The following SYN3 variants were observed in gnomAD, a reference collection of about 807,000 sequenced individuals.
The protein encoded by SYN3 is synapsin III.
In SYN3, 35 loss-of-function variants were observed where a neutral mutation model predicts 65.8. The ratio of observed to expected loss-of-function variants is 0.53; its 90% confidence interval spans 0.41 to 0.70. The LOEUF (loss-of-function observed/expected upper bound fraction) is 0.70, where lower values mean the gene tolerates loss of function less well. Ranked by LOEUF, SYN3 falls within the 30% of genes least tolerant of loss-of-function variation. SYN3 has a pLI of 0.00. For missense variants in SYN3, 680 were observed against 749.0 expected, an observed-to-expected ratio of 0.91 and a Z score of 1.08; for synonymous variants, 270 against 292.9, an observed-to-expected ratio of 0.92 and a Z score of 0.80.
At chr22:32,649,921 T>C (rs1430796191) in intron 6 of SYN3, among the ~76,000 whole-genome samples, 2 of 152,100 alleles carry the variant, frequency 1.3e-5, no homozygotes, top group East Asian at 1.9e-4. Context: ...CTTGTGGGAA[T>C]GAGAAAATCA....
chr22:32,535,247 C>T (rs961727954), intron 9 of SYN3, among the ~76,000 whole-genome samples: 1 of 152,130 alleles, frequency 6.6e-6, no homozygotes, highest in East Asian at 1.9e-4. Context: ...CATGGGAGAC[C>T]AGGGACCTAC....
At chr22:32,971,652 T>C (rs1326829456) in intron 3 of SYN3, among the ~76,000 whole-genome samples, 1 of 152,196 alleles carries the variant, frequency 6.6e-6, no homozygotes, top group Non-Finnish European at 1.5e-5. Context: ...CGTACAGTCC[T>C]AGAAATCGAG....
intron 7 of SYN3, among the ~76,000 whole-genome samples, chr22:32,552,630 T>C (rs1355706218): frequency 2.0e-5 from 3 of 152,142 alleles, no homozygotes; most frequent in Non-Finnish European, 4.4e-5. Context: ...CCCTTTTTTG[T>C]GTGTCTGTTG....
chr22:32,567,322 C>T (rs2058684871), intron 7 of SYN3, among the ~76,000 whole-genome samples: 1 of 114,188 alleles, frequency 8.8e-6, no homozygotes, highest in Non-Finnish European at 1.8e-5. Flanking sequence ...GACGGAGATC[C>T]TCCCTCCCTC....
At chr22:32,741,138 A>T (rs1166500180) in intron 6 of SYN3, among the ~76,000 whole-genome samples, 3 of 152,196 alleles carry the variant, frequency 2.0e-5, no homozygotes, top group African/African-American at 7.2e-5. Context: ...GGAGATGCAG[A>T]GTTGACAATA....
chr22:32,684,172 G>A (rs952530455), intron 6 of SYN3, among the ~76,000 whole-genome samples: 55 of 152,294 alleles, frequency 3.6e-4, no homozygotes, highest in Middle Eastern at 3.4e-3. Flanking sequence ...AAGAAGGGAC[G>A]ATCACAGTTC....
At chr22:33,055,820 T>A (rs766114908) in intron 1 of SYN3, among the ~76,000 whole-genome samples, 1 of 152,212 alleles carries the variant, frequency 6.6e-6, no homozygotes, top group Non-Finnish European at 1.5e-5. Flanking sequence ...AATCCAAGCA[T>A]TTAATGTCTA....
chr22:32,654,405 TC>T (rs2060114013), intron 6 of SYN3, among the ~76,000 whole-genome samples: 1 of 152,170 alleles, frequency 6.6e-6, no homozygotes, highest in Non-Finnish European at 1.5e-5. Flanking sequence ...CCTCAAGTGA[TC>T]CCCCAAATCA....
At position 32,574,347 on chromosome 22, in the gene SYN3, T is replaced by C. The variant is rs546898492; in HGVS notation, c.774+22327A>G. On this transcript the variant is annotated intron_variant, in intron 7 of 13. Coordinates refer to ENST00000358763, the MANE Select transcript of SYN3 (RefSeq NM_003490.4). ...TAAAAAAAGTAGCCATGTTTGGTGGTGCACGCCAGTAGTCCCAGCTACTTG... is the reference window on the plus strand; with the variant it reads ...TAAAAAAAGTAGCCATGTTTGGTGGCGCACGCCAGTAGTCCCAGCTACTTG... 1.6e-4 allele frequency among the ~76,000 whole-genome samples: 24 copies of C among 152,154 alleles called. No homozygotes were observed. In the South Asian group the frequency reaches 4.8e-3, roughly 30 times the overall value.
At chr22:32,991,338 A>AAATAATAATAAT (rs60884096) in intron 2 of SYN3, among the ~76,000 whole-genome samples, 15,706 of 142,466 alleles carry the variant, frequency 0.11, 1,018 homozygotes, top group Admixed American at 0.17. Context: ...ACTCCATCTC[A>AAATAATAATAAT]AATAATAATA....
chr22:33,000,440 G>A (rs921850046), intron 2 of SYN3, among the ~76,000 whole-genome samples: 1 of 152,140 alleles, frequency 6.6e-6, no homozygotes, highest in Non-Finnish European at 1.5e-5. Flanking sequence ...CACTGGCCAG[G>A]TTTTGGATCG....
intron 6 of SYN3, among the ~76,000 whole-genome samples, chr22:32,764,323 G>C (rs2045567193): frequency 6.6e-6 from 1 of 152,170 alleles, no homozygotes; most frequent in Non-Finnish European, 1.5e-5. Context: ...CCCGTTTTCT[G>C]TAACTGCTCA....
chr22:32,607,578 A>C, intron 6 of SYN3, among the ~76,000 whole-genome samples: 2 of 151,668 alleles, frequency 1.3e-5, no homozygotes. Flanking sequence ...CCACCTCTGA[A>C]CTCCCTGCAT....
At chr22:32,751,731 A>G (rs2045133222) in intron 6 of SYN3, among the ~76,000 whole-genome samples, 1 of 152,196 alleles carries the variant, frequency 6.6e-6, no homozygotes, top group African/African-American at 2.4e-5. Flanking sequence ...GCCCTCTCAG[A>G]GCCGTTGAGG....
chr22:32,828,760 C>G (rs1350928768), intron 6 of SYN3, among the ~76,000 whole-genome samples: 1 of 152,176 alleles, frequency 6.6e-6, no homozygotes, highest in Non-Finnish European at 1.5e-5. Flanking sequence ...TCTTTCCTTC[C>G]CTGTGTTTGC....
chr22:32,586,724 A>C (rs1239202781), intron 7 of SYN3, among the ~76,000 whole-genome samples: 2 of 152,024 alleles, frequency 1.3e-5, no homozygotes, highest in Admixed American at 1.3e-4. Flanking sequence ...GCGAGATTTC[A>C]TTTTGGGGCT....
chr22:32,881,173 A>G (rs2049123607), intron 4 of SYN3, among the ~76,000 whole-genome samples: 1 of 152,186 alleles, frequency 6.6e-6, no homozygotes, highest in Non-Finnish European at 1.5e-5. Context: ...TGGGCCTCAG[A>G]GCAGCTGTTC....
At chr22:32,928,003 A>C (rs1006182568) in intron 4 of SYN3, among the ~76,000 whole-genome samples, 2 of 152,200 alleles carry the variant, frequency 1.3e-5, no homozygotes, top group African/African-American at 4.8e-5. Context: ...CATCCCAATA[A>C]ACCCATTGTA....
intron 1 of SYN3, among the ~76,000 whole-genome samples, chr22:33,012,792 C>G (rs1490991617): frequency 2.6e-5 from 4 of 152,240 alleles, no homozygotes; most frequent in Non-Finnish European, 5.9e-5. Context: ...AGCAAAGCTG[C>G]AGCTCTCCAC....
Sources: gnomAD v4.1 joint callset for allele counts (sites outside exome capture counted in the v4.1 genomes callset) on GRCh38, gnomAD v4.1.1 for gene constraint, MANE v1.5 for transcripts, NCBI Gene and HGNC (gene_info 2026-07-23, HGNC 2026-07-21) for gene names.